The following CCDC7 variants were observed in gnomAD, a reference collection of about 807,000 sequenced individuals.
The protein encoded by CCDC7 is coiled-coil domain containing 7.
Under a neutral mutation model 196.9 loss-of-function variants are expected in CCDC7, and 183 were observed. That is an observed-to-expected ratio of 0.93 (90% CI 0.82 to 1.05). CCDC7 has a LOEUF of 1.05. Ranked by LOEUF, CCDC7 falls within the 50% of genes least tolerant of loss-of-function variation. The pLI, the probability that CCDC7 is intolerant of heterozygous loss-of-function variation, is 0.00. For synonymous variants in CCDC7, 525 were observed against 484.6 expected, an observed-to-expected ratio of 1.08 and a Z score of -1.10; for missense variants, 1,540 against 1,482.2, an observed-to-expected ratio of 1.04 and a Z score of -0.64.
intron 41 of CCDC7, among the ~76,000 whole-genome samples, chr10:32,872,964 C>T (rs549947824): frequency 6.6e-6 from 1 of 152,064 alleles, no homozygotes; most frequent in Non-Finnish European, 1.5e-5. Flanking sequence ...TCTGGCTGCC[C>T]TTAACATTTT....
chr10:32,714,461 C>G (rs1172209330), intron 25 of CCDC7, among the ~76,000 whole-genome samples: 2 of 152,168 alleles, frequency 1.3e-5, no homozygotes, highest in Admixed American at 6.5e-5. Flanking sequence ...GTTTCAAGCA[C>G]AAAACTGGGC....
chr10:32,750,660 G>A (rs1341111729), intron 28 of CCDC7, among the ~76,000 whole-genome samples: 2 of 152,168 alleles, frequency 1.3e-5, no homozygotes, highest in Non-Finnish European at 2.9e-5. Context: ...AAGCCAGAGA[G>A]CAAGCAAGCC....
At chr10:32,533,918 T>G (rs768500378) in intron 11 of CCDC7, among the ~76,000 whole-genome samples, 1 of 152,132 alleles carries the variant, frequency 6.6e-6, no homozygotes, top group Non-Finnish European at 1.5e-5. Context: ...TCAGAATTTC[T>G]TTTACCTGGA....
chr10:32,507,008 C>T (rs1021232709), intron 9 of CCDC7, among the ~76,000 whole-genome samples: 7 of 152,106 alleles, frequency 4.6e-5, no homozygotes, highest in African/African-American at 1.7e-4. Flanking sequence ...CTTTTTCCAT[C>T]CCTTCACTTT....
chr10:32,834,952 T>C, intron 33 of CCDC7, 54 bp downstream of exon 34: 3 of 703,110 alleles, frequency 4.3e-6, no homozygotes, highest in Non-Finnish European at 4.9e-6. Context: ...AGCTCTGAAG[T>C]TAAATATGGA....
chr10:32,876,056 T>C (rs1296372033), intron 41 of CCDC7, among the ~76,000 whole-genome samples: 1 of 151,972 alleles, frequency 6.6e-6, no homozygotes, highest in Non-Finnish European at 1.5e-5. Context: ...AACTACTGAA[T>C]CAGAAGCTCT....
At chr10:32,644,248 A>G (rs181422976) in intron 20 of CCDC7, among the ~76,000 whole-genome samples, 52 of 152,184 alleles carry the variant, frequency 3.4e-4, no homozygotes, top group Non-Finnish European at 6.0e-4. Context: ...ATACACTACA[A>G]TGTTATTTGC....
chr10:32,704,981 C>A (rs1303912108), intron 24 of CCDC7, among the ~76,000 whole-genome samples: 1 of 152,140 alleles, frequency 6.6e-6, no homozygotes, highest in Non-Finnish European at 1.5e-5. Context: ...GATGCCTCGC[C>A]CTGCTTCGGG....
At chr10:32,470,567 A>G (rs562662324) in intron 5 of CCDC7, among the ~76,000 whole-genome samples, 106 of 152,260 alleles carry the variant, frequency 7.0e-4, no homozygotes, top group African/African-American at 2.3e-3. Context: ...AGGTCTCAAG[A>G]CAGCCAAATA....
intron 11 of CCDC7, among the ~76,000 whole-genome samples, chr10:32,533,551 G>A (rs1463477293): frequency 6.6e-5 from 10 of 151,346 alleles, no homozygotes; most frequent in Non-Finnish European, 1.3e-4. Flanking sequence ...TTTTCAGATT[G>A]AAGAACTCCC....
intron 20 of CCDC7, among the ~76,000 whole-genome samples, chr10:32,638,155 A>G (rs2066002098): frequency 6.6e-6 from 1 of 152,198 alleles, no homozygotes; most frequent in Non-Finnish European, 1.5e-5. Context: ...TTTTCTAGAT[A>G]TACAATCATG....
intron 8 of CCDC7, among the ~76,000 whole-genome samples, chr10:32,487,380 A>G (rs2041331166): frequency 6.6e-6 from 1 of 152,222 alleles, no homozygotes; most frequent in African/African-American, 2.4e-5. Flanking sequence ...CTAGTTAGCC[A>G]TTCGTCTAAT....
chr10:32,857,499 A>G (rs2093798691), intron 41 of CCDC7, among the ~76,000 whole-genome samples: 1 of 152,214 alleles, frequency 6.6e-6, no homozygotes, highest in Non-Finnish European at 1.5e-5. Flanking sequence ...ACAAATATGT[A>G]GAAGTTTTAA....
intron 11 of CCDC7, among the ~76,000 whole-genome samples, chr10:32,537,290 G>A (rs1444871005): frequency 6.6e-6 from 1 of 152,132 alleles, no homozygotes; most frequent in Non-Finnish European, 1.5e-5. Flanking sequence ...TTGGCTACAT[G>A]TATGTCTTCT....
chr10:32,614,787 G>A (rs2062594883), intron 18 of CCDC7, among the ~76,000 whole-genome samples: 1 of 152,076 alleles, frequency 6.6e-6, no homozygotes, highest in African/African-American at 2.4e-5. Context: ...TGTCCTTTGG[G>A]GGCCAAGGAG....
chr10:32,501,944 C>A (rs1220380099), intron 9 of CCDC7, among the ~76,000 whole-genome samples: 3 of 152,212 alleles, frequency 2.0e-5, no homozygotes, highest in Non-Finnish European at 4.4e-5. Context: ...TGCCCACAGT[C>A]GCCCCTTCCC....
chr10:32,575,835 G>C (rs140855172), intron 16 of CCDC7, among the ~76,000 whole-genome samples: 1 of 152,238 alleles, frequency 6.6e-6, no homozygotes, highest in Non-Finnish European at 1.5e-5. Flanking sequence ...ATCAGCCCTG[G>C]CTGACACCTG....
At chr10:32,654,930 T>G (rs1591178795) in intron 20 of CCDC7, among the ~76,000 whole-genome samples, 1 of 152,322 alleles carries the variant, frequency 6.6e-6, no homozygotes, top group Admixed American at 6.5e-5. Flanking sequence ...AGCCCCAACC[T>G]GGTAGTGCTC....
chr10:32,598,063 T>G (rs1460047292), intron 18 of CCDC7, among the ~76,000 whole-genome samples: 1 of 152,188 alleles, frequency 6.6e-6, no homozygotes, highest in Non-Finnish European at 1.5e-5. Context: ...TCTGCAGAAG[T>G]TTCTGCTGCC....
Sources: allele counts gnomAD v4.1 joint callset (sites outside exome capture counted in the v4.1 genomes callset), GRCh38; gene constraint gnomAD v4.1.1; transcripts MANE v1.5; gene names NCBI Gene and HGNC (gene_info 2026-07-23, HGNC 2026-07-21).